The following MMP16 variants were observed in gnomAD, a reference collection of about 807,000 sequenced individuals.
The protein encoded by MMP16 is matrix metallopeptidase 16.
In MMP16, 12 loss-of-function variants were observed where a neutral mutation model predicts 67.8. The ratio of observed to expected loss-of-function variants is 0.18; its 90% CI spans 0.11 to 0.29. The LOEUF (loss-of-function observed/expected upper bound fraction) is 0.29, where lower values mean the gene tolerates loss of function less well. Among genes scored for constraint, MMP16 ranks in the 10% least tolerant of loss-of-function variants. The pLI is 1.00. For synonymous variants in MMP16, 249 were observed against 255.9 expected (o/e 0.97, Z 0.26); for missense variants, 475 against 765.7 (o/e 0.62, Z 4.48).
At chr8:88,233,075 T>G (rs1044258259) in intron 1 of MMP16, among the ~76,000 whole-genome samples, 2 of 152,196 alleles carry the variant, frequency 1.3e-5, no homozygotes, top group Admixed American at 6.5e-5. Context: ...ATTTTTCATC[T>G]GTTACATAGG....
At chr8:88,222,742 C>G in intron 1 of MMP16, among the ~76,000 whole-genome samples, 1 of 152,104 alleles carries the variant, frequency 6.6e-6, no homozygotes, top group Non-Finnish European at 1.5e-5. Flanking sequence ...CATAAAAACC[C>G]TAGAAGAAAA....
intron 6 of MMP16, among the ~76,000 whole-genome samples, chr8:88,109,417 A>G (rs1809296987): frequency 6.6e-6 from 1 of 151,370 alleles, no homozygotes; most frequent in African/African-American, 2.4e-5. Flanking sequence ...AAATAAATAA[A>G]TGCTTTTAAG....
chr8:88,061,157 C>A (rs1305585222), intron 7 of MMP16, among the ~76,000 whole-genome samples: 2 of 151,466 alleles, frequency 1.3e-5, no homozygotes, highest in Non-Finnish European at 3.0e-5. Context: ...CACACACACA[C>A]ACACACACAC....
At chr8:88,257,107 G>T (rs1028853418) in intron 1 of MMP16, among the ~76,000 whole-genome samples, 5 of 151,932 alleles carry the variant, frequency 3.3e-5, no homozygotes, top group African/African-American at 1.2e-4. Context: ...GTTGTTCTTT[G>T]AACACTTCAT....
intron 3 of MMP16, among the ~76,000 whole-genome samples, chr8:88,175,978 G>A (rs1335796369): frequency 2.6e-5 from 4 of 152,206 alleles, no homozygotes; most frequent in Admixed American, 2.6e-4. Flanking sequence ...CCCTAGCCAT[G>A]TGGAACTGTG....
At chr8:88,228,211 C>T (rs2129865410) in intron 1 of MMP16, among the ~76,000 whole-genome samples, 1 of 152,140 alleles carries the variant, frequency 6.6e-6, no homozygotes, top group East Asian at 1.9e-4. Flanking sequence ...AAAATTTTGG[C>T]ATGATGTTTC....
chr8:88,175,798 T>C (rs1018133627), intron 3 of MMP16, among the ~76,000 whole-genome samples: 1 of 152,182 alleles, frequency 6.6e-6, no homozygotes, highest in Non-Finnish European at 1.5e-5. Context: ...GGTAATTGAA[T>C]CATGGGGTCA....
intron 6 of MMP16, among the ~76,000 whole-genome samples, chr8:88,076,374 T>C (rs1586137712): frequency 6.6e-6 from 1 of 152,182 alleles, no homozygotes; most frequent in Admixed American, 6.6e-5. Flanking sequence ...AGTTATCTAC[T>C]TTCCCTCTTC....
intron 6 of MMP16, among the ~76,000 whole-genome samples, chr8:88,107,256 G>C (rs577300835): frequency 6.6e-6 from 1 of 150,690 alleles, no homozygotes; most frequent in Non-Finnish European, 1.5e-5. Context: ...ATATTACCTG[G>C]TTAAAAACTA....
chr8:88,090,726 A>G (rs1172692760), intron 6 of MMP16, among the ~76,000 whole-genome samples: 1 of 151,898 alleles, frequency 6.6e-6, no homozygotes, highest in Non-Finnish European at 1.5e-5. Context: ...GAGCTTTACA[A>G]AATAGACATT....
At chr8:88,200,866 C>A (rs1037686997) in intron 1 of MMP16, among the ~76,000 whole-genome samples, 2 of 151,848 alleles carry the variant, frequency 1.3e-5, no homozygotes, top group Non-Finnish European at 2.9e-5. Context: ...GAATTTCTCA[C>A]CACTAAGAGC....
At chr8:88,066,596 T>C (rs1046440463) in intron 7 of MMP16, among the ~76,000 whole-genome samples, 3 of 152,034 alleles carry the variant, frequency 2.0e-5, no homozygotes, top group African/African-American at 7.2e-5. Context: ...AATGGCTGAC[T>C]TTCAGTAAGA....
At chr8:88,140,457 G>A (rs1316754146) in intron 4 of MMP16, among the ~76,000 whole-genome samples, 3 of 152,110 alleles carry the variant, frequency 2.0e-5, no homozygotes, top group Non-Finnish European at 4.4e-5. Flanking sequence ...ATTGGGAGAT[G>A]AATTAGAATC....
intron 2 of MMP16, 62 bp from the exon 3 acceptor site, chr8:88,186,660 A>G (rs1809080142): frequency 1.3e-6 from 2 of 1,538,420 alleles, no homozygotes; most frequent in Admixed American, 4.2e-5. Flanking sequence ...AACAACCCTA[A>G]TCATTAAATT....
chr8:88,121,500 C>T (rs542441213), intron 4 of MMP16, among the ~76,000 whole-genome samples: 1 of 152,000 alleles, frequency 6.6e-6, no homozygotes, highest in Non-Finnish European at 1.5e-5. Context: ...GTTGTTGGCA[C>T]ATGACAAGCT....
intron 1 of MMP16, among the ~76,000 whole-genome samples, chr8:88,203,832 C>T (rs10104620): frequency 0.16 from 23,845 of 152,140 alleles, 2,011 homozygotes; most frequent in South Asian, 0.19. Context: ...GACAAAAGTG[C>T]TGTCCTTTTC....
At chr8:88,082,612 C>T (rs1350179447) in intron 6 of MMP16, among the ~76,000 whole-genome samples, 1 of 151,944 alleles carries the variant, frequency 6.6e-6, no homozygotes, top group Non-Finnish European at 1.5e-5. Context: ...GTTTTATAGG[C>T]ATAGCTATAA....
intron 7 of MMP16, among the ~76,000 whole-genome samples, chr8:88,064,575 G>C (rs1808440521): frequency 6.6e-6 from 1 of 151,898 alleles, no homozygotes; most frequent in African/African-American, 2.4e-5. Flanking sequence ...AATAATGAGA[G>C]ATCAAATACA....
intron 3 of MMP16, 74 bp from the exon 4 acceptor site, chr8:88,168,047 T>C: frequency 9.1e-7 from 1 of 1,102,956 alleles, no homozygotes; most frequent in African/African-American, 1.6e-5. Flanking sequence ...ATCGATTCAG[T>C]TAAGTAAAAT....
Sources: allele counts gnomAD v4.1 joint callset (sites outside exome capture counted in the v4.1 genomes callset), GRCh38; gene constraint gnomAD v4.1.1; transcripts MANE v1.5; gene names NCBI Gene and HGNC (gene_info 2026-07-23, HGNC 2026-07-21).